Variants in GRIN3A observed in about 807,000 individuals in gnomAD.
GRIN3A encodes the protein glutamate receptor ionotropic, NMDA 3A.
A neutral mutation model predicts 92.4 loss-of-function variants in GRIN3A; 47 were observed. That is an observed-to-expected ratio of 0.51 (90% CI 0.40 to 0.65). The LOEUF is 0.65. Among genes scored for constraint, GRIN3A ranks in the 30% least tolerant of loss-of-function variants. The pLI is 0.00. For synonymous variants in GRIN3A, 527 were observed against 540.6 expected, an observed-to-expected ratio of 0.97 and a Z score of 0.35; for missense variants, 1,324 against 1,393.1, an observed-to-expected ratio of 0.95 and a Z score of 0.79.
chr9:101,711,849 A>C (rs1004159584), intron 1 of GRIN3A, among the ~76,000 whole-genome samples: 8 of 152,156 alleles, frequency 5.3e-5, no homozygotes, highest in Non-Finnish European at 1.5e-5. Context: ...AAAAATCTTT[A>C]ATGAGAGACA....
At chr9:101,722,468 C>T (rs905023571) in intron 1 of GRIN3A, among the ~76,000 whole-genome samples, 1 of 152,144 alleles carries the variant, frequency 6.6e-6, no homozygotes, top group African/African-American at 2.4e-5. Flanking sequence ...TCCTCCAGAC[C>T]CCAGAATGGC....
intron 1 of GRIN3A, among the ~76,000 whole-genome samples, chr9:101,708,917 T>C (rs1383376272): frequency 6.6e-6 from 1 of 152,220 alleles, no homozygotes; most frequent in African/African-American, 2.4e-5. Context: ...CACACAATAG[T>C]AGAAAGCTCA....
chr9:101,701,381 C>T (rs1829749910), intron 1 of GRIN3A, among the ~76,000 whole-genome samples: 1 of 152,108 alleles, frequency 6.6e-6, no homozygotes, highest in Non-Finnish European at 1.5e-5. Context: ...TCCCACCCTC[C>T]AGTAGGCTGC....
Position 101,707,595 on chromosome 9 carries a change from C to A in GRIN3A, c.700-20395G>T, listed in dbSNP as rs1829828891. ...GCTAAACTATTTTTAATACACTCAT[C>A]TCTATAGTTTAAGCAACATTGATTT... On this transcript the variant is annotated intron_variant, in intron 1 of 8. Coordinates refer to ENST00000361820, the MANE Select transcript of GRIN3A (RefSeq NM_133445.3). Among the ~76,000 whole-genome samples the A allele has an allele frequency of 2.0e-5, 3 of 152,166 alleles. No individual in the cohort carries two copies. In the South Asian group the frequency reaches 6.2e-4, roughly 32 times the overall value.
At chr9:101,639,587 T>C (rs1317957076) in intron 3 of GRIN3A, among the ~76,000 whole-genome samples, 1 of 152,182 alleles carries the variant, frequency 6.6e-6, no homozygotes, top group African/African-American at 2.4e-5. Context: ...GAAATGCAAA[T>C]GAATAAAAAC....
chr9:101,625,186 A>C (rs1046651189), intron 4 of GRIN3A, among the ~76,000 whole-genome samples: 1 of 152,010 alleles, frequency 6.6e-6, no homozygotes, highest in Non-Finnish European at 1.5e-5. Context: ...TATTTTTTAA[A>C]AATAAAAATA....
At chr9:101,687,339 T>C in intron 1 of GRIN3A, 139 bp from the exon 2 acceptor site, 1 of 822,526 alleles carries the variant, frequency 1.2e-6, no homozygotes, top group African/African-American at 1.7e-5. Flanking sequence ...TCCCATAGTT[T>C]GGAAAACTAT....
At chr9:101,721,667 T>C (rs1166486955) in intron 1 of GRIN3A, among the ~76,000 whole-genome samples, 1 of 152,178 alleles carries the variant, frequency 6.6e-6, no homozygotes, top group Non-Finnish European at 1.5e-5. Context: ...ATGAGCACCA[T>C]GTTGGGAACT....
At chr9:101,580,877 A>C (rs1412688840) in intron 6 of GRIN3A, among the ~76,000 whole-genome samples, 1 of 152,168 alleles carries the variant, frequency 6.6e-6, no homozygotes, top group Non-Finnish European at 1.5e-5. Context: ...CAGCAGTTAT[A>C]GCAACAATAG....
rs191422957 is a variant in GRIN3A at position 101,669,346 on chromosome 9, C to T, written c.2352+714G>A. On this transcript the variant is annotated intron_variant, in intron 3 of 8. Transcript: ENST00000361820. ...ATTACCTGCTTTGGCTGTTTACCTG[C>T]ACTCTACACTTCCTCTTCCTTCTTC... 1.3e-3 allele frequency among the ~76,000 whole-genome samples: 200 copies of T among 151,984 alleles called. 2 individuals carry two copies. Among genetic ancestry groups the T allele is most frequent in the Non-Finnish European group, 1.9e-4 (13 of 67,946 alleles).
At chr9:101,671,700 G>A (rs994938816) in intron 2 of GRIN3A, among the ~76,000 whole-genome samples, 12 of 152,194 alleles carry the variant, frequency 7.9e-5, no homozygotes, top group East Asian at 3.9e-4. Flanking sequence ...AACTGTCCCC[G>A]TGAGGCTAGT....
chr9:101,642,649 T>C (rs1828881607), intron 3 of GRIN3A, among the ~76,000 whole-genome samples: 2 of 152,152 alleles, frequency 1.3e-5, no homozygotes, highest in South Asian at 4.1e-4. Flanking sequence ...CAGCAAGAGA[T>C]GACTGGTGGG....
chr9:101,733,150 C>A (rs572923996), intron 1 of GRIN3A, among the ~76,000 whole-genome samples: 2 of 152,086 alleles, frequency 1.3e-5, no homozygotes, highest in Non-Finnish European at 2.9e-5. Flanking sequence ...TCAGCTGATT[C>A]GATCATAAAT....
chr9:101,597,559 A>C (rs1828153271), intron 6 of GRIN3A, among the ~76,000 whole-genome samples: 2 of 152,176 alleles, frequency 1.3e-5, no homozygotes, highest in Non-Finnish European at 2.9e-5. Context: ...GGTCCATCTT[A>C]TTATTTGCTA....
rs750679335 is a variant in GRIN3A at position 101,573,523 on chromosome 9, A to C, written c.3009-10T>G. 2.5e-6 allele frequency: 4 copies of C among 1,607,354 alleles called. No individual in the cohort carries two copies. The East Asian group carries it at 8.9e-5, about 36-fold the overall frequency. ...GGGTCCCACATTAGACCTAGGAAAC[A>C]GAGAAATTTTAGATTTACTTTCCAT... On this transcript the variant is annotated splice_polypyrimidine_tract_variant and intron_variant, in intron 8 of 8. Coordinates refer to ENST00000361820, the MANE Select transcript of GRIN3A (RefSeq NM_133445.3).
intron 1 of GRIN3A, among the ~76,000 whole-genome samples, chr9:101,708,206 A>T (rs745787160): frequency 6.6e-6 from 1 of 152,184 alleles, no homozygotes; most frequent in Non-Finnish European, 1.5e-5. Flanking sequence ...ATAGTAGTCA[A>T]TGGATCACTA....
At chr9:101,630,420 T>C (rs1828695642) in intron 3 of GRIN3A, among the ~76,000 whole-genome samples, 1 of 152,240 alleles carries the variant, frequency 6.6e-6, no homozygotes, top group Non-Finnish European at 1.5e-5. Context: ...ATCTTTGACC[T>C]TTCCGTGCAT....
In GRIN3A at chr9:101,686,842, C is replaced by A. The variant is rs759241167; in HGVS notation, c.1058G>T (p.Arg353Leu). The change falls in exon 2 of 9, where the codon CGT (arginine) becomes CTT (leucine). Residue 353 changes from arginine to leucine, a missense_variant. Arg to Leu is a moderately radical substitution (Grantham distance 102). Coordinates refer to ENST00000361820, the MANE Select transcript of GRIN3A (RefSeq NM_133445.3). ...TQFGVMPPEL[R>L]WVLGDSQNVE... The stretch of plus-strand genomic sequence containing the variant: ...ATTCTGGGAATCTCCCAGCACCCAA[C>A]GAAGTTCAGGGGGCATGACCCCAAA... The A allele has an allele frequency of 6.2e-7, 1 of 1,614,200 alleles. No individual in the cohort carries two copies. The highest frequency in any genetic ancestry group is 8.5e-7 in the Non-Finnish European group (1 of 1,180,044).
chr9:101,661,715 A>C (rs1157291425), intron 3 of GRIN3A, among the ~76,000 whole-genome samples: 2 of 151,818 alleles, frequency 1.3e-5, no homozygotes, highest in African/African-American at 2.4e-5. Flanking sequence ...TTATGTGGAC[A>C]GATTCCTAGA....
Sources: gnomAD v4.1 joint callset for allele counts (sites outside exome capture counted in the v4.1 genomes callset) on GRCh38, gnomAD v4.1.1 for gene constraint, MANE v1.5 for transcripts, NCBI Gene and HGNC (gene_info 2026-07-23, HGNC 2026-07-21) for gene names.